Variants in PDLIM2 observed in about 807,000 individuals in gnomAD.
The protein encoded by PDLIM2 is PDZ and LIM domain 2, also known as PDZ and LIM domain protein 2.
Under a neutral mutation model 54.1 loss-of-function variants are expected in PDLIM2, and 51 were observed. That is an observed-to-expected ratio of 0.94 (90% CI 0.75 to 1.19). PDLIM2 has a LOEUF of 1.19. Among genes scored for constraint, PDLIM2 ranks in the 50% most tolerant of loss-of-function variants. The probability of loss-of-function intolerance (pLI) is 0.00; values close to 1 mark genes in which losing one functional copy is unlikely to be tolerated. For synonymous variants in PDLIM2, 398 were observed against 385.6 expected (o/e 1.03, Z -0.38); for missense variants, 912 against 874.0 (o/e 1.04, Z -0.55).
chr8:22,597,061 T>G (rs1283520294), downstream of PDLIM2: 2 of 152,218 alleles, frequency 1.3e-5, no homozygotes, highest in South Asian at 4.1e-4. Context: ...CTCTGTAGGC[T>G]CTCAGCTTTG....
At position 22,582,483 on chromosome 8, in the gene PDLIM2, G is replaced by A. The variant is rs188539096; in HGVS notation, c.995+953G>A. Among the ~76,000 whole-genome samples the A allele has an allele frequency of 2.6e-3, 401 of 152,198 alleles. 1 individual carries two copies. The Middle Eastern group carries it at 0.027, about 10-fold the overall frequency. On this transcript the variant is annotated intron_variant, in intron 3 of 9. Transcript: ENST00000308354. ...GCCTCGGACTGTCTCTTCCTCTGGGGTTCTCTGGAGGGACCAGGGCTCGGG... is the reference window on the plus strand; with the variant it reads ...GCCTCGGACTGTCTCTTCCTCTGGGATTCTCTGGAGGGACCAGGGCTCGGG...
chr8:22,579,538 C>T, intron 1 of PDLIM2: 1 of 1,456,190 alleles, frequency 6.9e-7, no homozygotes, highest in Non-Finnish European at 9.0e-7. Context: ...GTCTGGGAAT[C>T]TCGGGGCGGC....
chr8:22,585,545 G>C lies in PDLIM2; in HGVS notation c.1290+146G>C, dbSNP rs916481534. 8.5e-6 allele frequency: 6 copies of C among 709,022 alleles called. No individual in the cohort carries two copies. In the African/African-American group the frequency reaches 1.2e-4, roughly 14 times the overall value. The allele number at this position is 709,022 out of a possible 1,614,324, so 43.9% of individuals were successfully genotyped here. ...CTGGCCACAGGCATGCTCTGCTCCT[G>C]AGCCAGGGAGGCCATGCTTCTGGTC... On this transcript the variant is annotated intron_variant, in intron 6 of 9. Transcript: ENST00000308354.
Position 22,585,023 on chromosome 8 carries a change from G to A in PDLIM2, c.1072G>A (p.Val358Met), listed in dbSNP as rs369965465. The change falls in exon 5 of 10, where the codon GTG (valine) becomes ATG (methionine). Residue 358 changes from valine (V) to methionine (M), a missense_variant. Val to Met is a conservative substitution (Grantham distance 21). Transcript: ENST00000308354. The stretch of plus-strand genomic sequence containing the variant: ...ACAGTCACTCTCTCCACAGGGCTCC[G>A]TGAGGACATACACTGAGAGTCAGTC... The A allele has an allele frequency of 2.2e-5, 36 of 1,613,762 alleles. No homozygotes were observed. Among genetic ancestry groups the A allele is most frequent in the Middle Eastern group, 1.6e-4 (1 of 6,082 alleles).
chr8:22,589,668 C>T (rs1049239476), exon 8 of PDLIM2: 3 of 1,582,154 alleles, frequency 1.9e-6, no homozygotes, highest in Admixed American at 1.8e-5. Flanking sequence ...AGGAAAATCG[C>T]GAGGGACGGG....
chr8:22,579,272 G>A, exon 1 of PDLIM2: 2 of 1,366,610 alleles, frequency 1.5e-6, no homozygotes, highest in Non-Finnish European at 1.9e-6. Context: ...CCTCCCCGGC[G>A]CCGGGCTCCT....
chr8:22,579,586 T>A, intron 1 of PDLIM2: 1 of 1,409,984 alleles, frequency 7.1e-7, no homozygotes, highest in Non-Finnish European at 9.2e-7. Context: ...GGGGCGGTGC[T>A]GGGAACAGAG....
intron 2 of PDLIM2, 99 bp downstream of exon 1, chr8:22,580,796 G>C (rs1048580709): frequency 7.6e-7 from 1 of 1,317,220 alleles, no homozygotes; most frequent in African/African-American, 1.5e-5. Context: ...TTCTGTTCTG[G>C]AGCTAGGGAT....
chr8:22,588,453 A>G (rs1425220028), intron 6 of PDLIM2: 5 of 152,352 alleles, frequency 3.3e-5, no homozygotes, highest in Non-Finnish European at 5.9e-5. Context: ...GCTGTCTCCA[A>G]GGCTCTCCTT....
At chr8:22,581,170 T>C (rs1433675611) in intron 2 of PDLIM2, 2 of 659,266 alleles carry the variant, frequency 3.0e-6, no homozygotes, top group Non-Finnish European at 5.5e-6. Context: ...GGGAGGCCCA[T>C]TAGAATGCCA....
At chr8:22,589,035 C>A (rs1475657629) in intron 6 of PDLIM2, 7 of 570,894 alleles carry the variant, frequency 1.2e-5, no homozygotes, top group Admixed American at 9.5e-5. Flanking sequence ...CGGTCCCCGG[C>A]AGAACCCGCA....
chr8:22,585,575 G>T (rs1201715625), intron 6 of PDLIM2, 176 bp downstream of exon 5: 8 of 345,992 alleles, frequency 2.3e-5, no homozygotes, highest in Non-Finnish European at 9.5e-6. Context: ...CTGGTCGTGG[G>T]CCACCTGTGC....
At chr8:22,591,481 C>T (rs1800544406) in intron 8 of PDLIM2, 70 bp from the exon 8 acceptor site, 3 of 1,416,570 alleles carry the variant, frequency 2.1e-6, no homozygotes, top group Non-Finnish European at 3.0e-6. Flanking sequence ...AGACCACCTC[C>T]TCAGAGCATC....
chr8:22,584,309 C>T (rs1026255598), intron 3 of PDLIM2, among the ~76,000 whole-genome samples: 5 of 151,552 alleles, frequency 3.3e-5, no homozygotes, highest in Admixed American at 1.3e-4. Context: ...CCACCGTGCC[C>T]GGCCTTGGTG....
rs1352704558 is a variant in PDLIM2 at position 22,591,671 on chromosome 8, G to A, written c.1631+3G>A. ...GAGAAGTGCAGTACCAGCATCGCGT[G>A]AGTGTGGAGGGGGGTGGGGGACCTG... On this transcript the variant is annotated splice_donor_region_variant and intron_variant, in intron 9 of 9. Transcript: ENST00000308354. 1.9e-6 allele frequency: 3 copies of A among 1,605,824 alleles called. No individual in the cohort carries two copies. The highest frequency in any genetic ancestry group is 2.6e-6 in the Non-Finnish European group (3 of 1,175,400).
At chr8:22,588,769 C>T (rs77930568) in intron 6 of PDLIM2, 5,338 of 175,602 alleles carry the variant, frequency 0.03, 314 homozygotes, top group African/African-American at 0.12. Flanking sequence ...CAGACTCCCG[C>T]CTCTGAGGAG....
At position 22,589,135 on chromosome 8, in the gene PDLIM2, G is replaced by C; in HGVS notation, c.1291-163G>C. The C allele has an allele frequency of 5.4e-6, 3 of 557,914 alleles. No individual in the cohort carries two copies. In the South Asian group the frequency reaches 6.1e-5, roughly 11 times the overall value. The allele number at this position is 557,914 out of a possible 1,614,324, so 34.6% of individuals were successfully genotyped here. ...GCCCGCTGGTCGGCGAGGGCTGGGA[G>C]CCCCCGACACCTTGGCTCCAAGGGA... On this transcript the variant is annotated intron_variant, in intron 6 of 9. Coordinates refer to ENST00000308354, the Ensembl canonical transcript of PDLIM2.
At chr8:22,597,961 G>C (rs11785106), downstream of PDLIM2, 1 of 152,314 alleles carries the variant, frequency 6.6e-6, no homozygotes, top group Non-Finnish European at 1.5e-5. Context: ...GCTGTCATTC[G>C]GCTGGCCTGC....
intron 2 of PDLIM2, 102 bp downstream of exon 1, chr8:22,580,799 C>A: frequency 7.7e-7 from 1 of 1,296,064 alleles, no homozygotes; most frequent in Non-Finnish European, 1.1e-6. Context: ...TGTTCTGGAG[C>A]TAGGGATCTG....
Sources: gnomAD v4.1 joint callset for allele counts (sites outside exome capture counted in the v4.1 genomes callset) on GRCh38, gnomAD v4.1.1 for gene constraint, MANE v1.5 for transcripts, NCBI Gene and HGNC (gene_info 2026-07-23, HGNC 2026-07-21) for gene names.